Variants in COL17A1 observed in about 807,000 individuals in gnomAD.
COL17A1 encodes collagen alpha-1(XVII) chain.
A neutral mutation model predicts 218.4 loss-of-function variants in COL17A1; 181 were observed. That is an observed-to-expected ratio of 0.83 (90% CI 0.73 to 0.94). COL17A1 has a LOEUF of 0.94. Among genes scored for constraint, COL17A1 ranks in the 40% least tolerant of loss-of-function variants. The probability of loss-of-function intolerance (pLI) is 0.00; values close to 1 mark genes in which losing one functional copy is unlikely to be tolerated. For synonymous variants in COL17A1, 721 were observed against 731.0 expected (o/e 0.99, Z 0.22); for missense variants, 1,924 against 1,945.9 (o/e 0.99, Z 0.21).
intron 1 of COL17A1, among the ~76,000 whole-genome samples, chr10:104,083,549 G>A (rs898661078): frequency 2.6e-5 from 4 of 152,168 alleles, no homozygotes; most frequent in African/African-American, 9.7e-5. Context: ...TTCTAGGCAA[G>A]AAGACACAAT....
rs1440598675 is a variant in COL17A1, at chr10:104,053,126, C to T, written c.1844G>A (p.Gly615Asp). 1 of 1,613,184 alleles carries T rather than the reference C, an allele frequency of 6.2e-7. No homozygotes were observed. The highest frequency in any genetic ancestry group is 8.5e-7 in the Non-Finnish European group (1 of 1,180,012). Residue 615 changes from glycine to aspartate, a missense_variant, in exon 23 of 56, where the codon GGC becomes GAC. Gly to Asp is a moderately conservative substitution (Grantham distance 94). Coordinates refer to ENST00000648076, the MANE Select transcript of COL17A1 (RefSeq NM_000494.4). ...TCTCTGGCCCATGGGGCCTTCCATG[C>T]CAGGATCTCCTAAAGACAGGGATGG... The part of the protein sequence containing the change: ...KGQKGSVGDP[G>D]MEGPMGQRGR...
intron 4 of COL17A1, among the ~76,000 whole-genome samples, chr10:104,076,860 T>C (rs2086715424): frequency 6.6e-6 from 1 of 152,160 alleles, no homozygotes; most frequent in South Asian, 2.1e-4. Context: ...TTTTGTTTTG[T>C]TTTTGCCTTG....
At chr10:104,061,922 A>G (rs1438732396) in intron 12 of COL17A1, among the ~76,000 whole-genome samples, 1 of 152,192 alleles carries the variant, frequency 6.6e-6, no homozygotes, top group Non-Finnish European at 1.5e-5. Flanking sequence ...GGGGTGCACC[A>G]TAAAATCAAC....
intron 8 of COL17A1, among the ~76,000 whole-genome samples, chr10:104,071,796 A>G (rs150602743): frequency 1.3e-5 from 2 of 152,226 alleles, no homozygotes; most frequent in Admixed American, 1.3e-4. Flanking sequence ...CTGTCTCCCT[A>G]TTAGTCTGTG....
Position 104,055,850 on chromosome 10 carries a change from A to G in COL17A1, c.1619T>C (p.Leu540Pro), listed in dbSNP as rs2086519173. Residue 540 changes from leucine to proline, a missense_variant, in exon 18 of 56, where the codon CTG becomes CCG. Leu to Pro is a moderately conservative substitution (Grantham distance 98). Coordinates refer to ENST00000648076, the MANE Select transcript of COL17A1 (RefSeq NM_000494.4). ...GAGCTCCTCCTGGCTGTCACTGTGC[A>G]GCCCAATTTTGTCCAGGTCTGCTCC... Reference protein sequence around the residue: ...AAGADLDKIGLHSDSQEELWM... With the variant: ...AAGADLDKIGPHSDSQEELWM... The G allele has an allele frequency of 1.3e-5, 21 of 1,614,092 alleles. No individual in the cohort carries two copies. Among genetic ancestry groups the G allele is most frequent in the Non-Finnish European group, 1.7e-5 (20 of 1,180,044 alleles).
At chr10:104,035,711 C>T in intron 48 of COL17A1, 148 bp from the exon 49 acceptor site, 5 of 679,890 alleles carry the variant, frequency 7.4e-6, no homozygotes, top group South Asian at 1.9e-5. Context: ...AGAGGAGGAG[C>T]CCAAAGGAGG....
At chr10:104,053,302 C>T (rs2086488961) in intron 22 of COL17A1, among the ~76,000 whole-genome samples, 167 bp from the exon 23 acceptor site, 1 of 152,068 alleles carries the variant, frequency 6.6e-6, no homozygotes, top group Non-Finnish European at 1.5e-5. Context: ...CCAGAGTGAC[C>T]CTTTGAAAAT....
rs1328567635 is a variant in COL17A1 at position 104,054,967 on chromosome 10, CAT to C, written c.1744+12_1744+13del. 2.5e-6 allele frequency: 4 copies of C among 1,613,944 alleles called. No homozygotes were observed. Among genetic ancestry groups the C allele is most frequent in the Non-Finnish European group, 3.4e-6 (4 of 1,180,006 alleles). On this transcript the variant is annotated intron_variant, in intron 20 of 55. Coordinates refer to ENST00000648076, the MANE Select transcript of COL17A1 (RefSeq NM_000494.4). ...TGCTAATATTTAAGGTAAAAATGCC[CAT>C]GTTATAATTACCTTTAGGGCCTGGA... is the stretch of plus-strand genomic sequence containing the variant.
chr10:104,063,622 A>G (rs1376530497), intron 11 of COL17A1, 125 bp downstream of exon 11: 3 of 1,451,044 alleles, frequency 2.1e-6, no homozygotes, highest in Non-Finnish European at 2.8e-6. Flanking sequence ...GTTCTGTGCA[A>G]CCCTGTGCCT....
rs549187048 is a variant in COL17A1, at chr10:104,063,040, G to T, written c.838+707C>A. Among the ~76,000 whole-genome samples, 233 of 152,282 alleles carry T rather than the reference G, an allele frequency of 1.5e-3. 1 individual carries two copies. The highest frequency in any genetic ancestry group is 2.9e-3 in the Non-Finnish European group (199 of 68,026). Reference sequence around the variant, plus strand: ...CATGTAGCCAATGTCTTCTGGATTTGGTGGGCCTCTAGTCAACTGGAGGAA... The same window carrying T: ...CATGTAGCCAATGTCTTCTGGATTTTGTGGGCCTCTAGTCAACTGGAGGAA... On this transcript the variant is annotated intron_variant, in intron 11 of 55. Coordinates refer to ENST00000648076, the MANE Select transcript of COL17A1 (RefSeq NM_000494.4).
intron 1 of COL17A1, among the ~76,000 whole-genome samples, chr10:104,081,045 C>A (rs763570556): frequency 2.0e-5 from 3 of 152,180 alleles, no homozygotes; most frequent in Non-Finnish European, 2.9e-5. Flanking sequence ...TGAAGGGGAT[C>A]TGTCAAGGTA....
At chr10:104,043,416 G>A (rs2134590189) in intron 35 of COL17A1, 85 bp downstream of exon 35, 1 of 1,275,696 alleles carries the variant, frequency 7.8e-7, no homozygotes, top group East Asian at 2.4e-5. Flanking sequence ...CCTGCCCTGG[G>A]TTTCAGGATC....
chr10:104,038,223 GACACACATAC>G (rs1564672548), intron 45 of COL17A1, among the ~76,000 whole-genome samples, 173 bp downstream of exon 45: 2 of 126,666 alleles, frequency 1.6e-5, no homozygotes, highest in East Asian at 2.3e-4. Context: ...TGGACACATA[GACACACATAC>G]ACACACACAC....
chr10:104,071,930 G>T (rs2086672432), intron 8 of COL17A1, 102 bp downstream of exon 8: 13 of 1,542,064 alleles, frequency 8.4e-6, no homozygotes, highest in Non-Finnish European at 9.8e-6. Context: ...ATACATGTGT[G>T]TGCATGCATG....
In COL17A1 at chr10:104,078,575, T is replaced by C; in HGVS notation, c.64A>G (p.Thr22Ala). Residue 22 changes from threonine to alanine, a missense_variant, in exon 3 of 56, where the codon ACA becomes GCA. Coordinates refer to ENST00000648076, the MANE Select transcript of COL17A1 (RefSeq NM_000494.4). Reference sequence around the variant, plus strand: ...AAGGATGTAAGTCTTGTGGTTACTGTTTCAGTGACAACTAGAAAAAGACAA... The same window carrying C: ...AAGGATGTAAGTCTTGTGGTTACTGCTTCAGTGACAACTAGAAAAAGACAA... The part of the protein sequence containing the change: ...TEVTERIVTE[T>A]VTTRLTSLPP... The C allele has an allele frequency of 6.2e-7, 1 of 1,614,144 alleles. No individual in the cohort carries two copies. The highest frequency in any genetic ancestry group is 8.5e-7 in the Non-Finnish European group (1 of 1,179,998).
At chr10:104,043,686 T>C in intron 34 of COL17A1, 105 bp from the exon 35 acceptor site, 1 of 1,509,040 alleles carries the variant, frequency 6.6e-7, no homozygotes, top group Non-Finnish European at 9.2e-7. Context: ...CTTCTTCTCA[T>C]CGCTGCTAAA....
rs533456406 is a variant in COL17A1, at chr10:104,035,593, G to T, written c.3419-30C>A. 13 of 1,572,254 alleles carry T rather than the reference G, an allele frequency of 8.3e-6. No homozygotes were observed. In the East Asian group the frequency reaches 2.9e-4, roughly 35 times the overall value. ...GGAGGTGATGGATTCAGATCAGGCA[G>T]GGGGAGGCAGATGGAAACACCTGTC... On this transcript the variant is annotated intron_variant, in intron 48 of 55. Transcript: ENST00000648076.
chr10:104,041,600 T>G (rs1332877977), intron 36 of COL17A1, 62 bp from the exon 37 acceptor site: 15 of 1,393,536 alleles, frequency 1.1e-5, no homozygotes, highest in Non-Finnish European at 4.0e-6. Context: ...CTGCCACACT[T>G]CTCACCTCTC....
Position 104,034,783 on chromosome 10 carries a change from A to G in COL17A1, c.3620-16T>C. ...AAGCCGGCAGCTGGGCAGAAGGAAG[A>G]GAAAGAAAGGTCGGGGTAGTGCTGC... is the stretch of plus-strand genomic sequence containing the variant. On this transcript the variant is annotated splice_polypyrimidine_tract_variant and intron_variant, in intron 50 of 55. Coordinates refer to ENST00000648076, the MANE Select transcript of COL17A1 (RefSeq NM_000494.4). The G allele has an allele frequency of 6.2e-7, 1 of 1,610,858 alleles. No homozygotes were observed. Among genetic ancestry groups the G allele is most frequent in the South Asian group, 1.1e-5 (1 of 90,166 alleles).
Sources: gnomAD v4.1 joint callset for allele counts (sites outside exome capture counted in the v4.1 genomes callset) on GRCh38, gnomAD v4.1.1 for gene constraint, MANE v1.5 for transcripts, NCBI Gene and HGNC (gene_info 2026-07-23, HGNC 2026-07-21) for gene names.